The following PTPRK variants were observed in gnomAD, a reference collection of about 807,000 sequenced individuals.
PTPRK encodes protein tyrosine phosphatase receptor type K.
Under a neutral mutation model 178.0 loss-of-function variants are expected in PTPRK, and 75 were observed. That is an observed-to-expected ratio of 0.42 (90% CI 0.35 to 0.51). The LOEUF (loss-of-function observed/expected upper bound fraction) is 0.51, where lower values mean the gene tolerates loss of function less well. PTPRK is among the 20% of genes least tolerant of loss of function. The pLI is 0.02. For synonymous variants in PTPRK, 637 were observed against 620.6 expected, an observed-to-expected ratio of 1.03 and a Z score of -0.39; for missense variants, 1,441 against 1,797.8, an observed-to-expected ratio of 0.80 and a Z score of 3.59.
chr6:128,053,620 A>G (rs1779420727), intron 13 of PTPRK, among the ~76,000 whole-genome samples: 1 of 152,020 alleles, frequency 6.6e-6, no homozygotes, highest in Non-Finnish European at 1.5e-5. Flanking sequence ...TCACCTCCAC[A>G]TGTGGACACT....
intron 1 of PTPRK, among the ~76,000 whole-genome samples, chr6:128,481,653 G>A (rs1332814257): frequency 1.3e-5 from 2 of 151,816 alleles, no homozygotes; most frequent in East Asian, 1.9e-4. Flanking sequence ...CCTCTTTCTT[G>A]ACCTGATTCA....
At chr6:128,366,669 A>C (rs1835532720) in intron 2 of PTPRK, among the ~76,000 whole-genome samples, 1 of 152,146 alleles carries the variant, frequency 6.6e-6, no homozygotes, top group Non-Finnish European at 1.5e-5. Flanking sequence ...GATCCCAGAG[A>C]CTGTGACAAC....
intron 3 of PTPRK, among the ~76,000 whole-genome samples, chr6:128,318,032 A>G (rs533907303): frequency 1.4e-3 from 208 of 152,326 alleles, no homozygotes; most frequent in African/African-American, 4.7e-3. Context: ...AGTTACCGCT[A>G]TATGATATAT....
intron 7 of PTPRK, among the ~76,000 whole-genome samples, chr6:128,160,753 GTAT>G (rs1014911824): frequency 7.9e-5 from 12 of 151,144 alleles, no homozygotes; most frequent in Non-Finnish European, 1.5e-4. Context: ...TTAGAAATAA[GTAT>G]TAATAATATG....
intron 7 of PTPRK, among the ~76,000 whole-genome samples, chr6:128,162,995 CATT>C (rs1798906298): frequency 6.6e-6 from 1 of 151,124 alleles, no homozygotes; most frequent in Non-Finnish European, 1.5e-5. Flanking sequence ...GTTTAATATT[CATT>C]ATTAATATGA....
intron 7 of PTPRK, among the ~76,000 whole-genome samples, chr6:128,138,151 C>G (rs576572610): frequency 1.3e-5 from 2 of 152,026 alleles, no homozygotes; most frequent in Admixed American, 1.3e-4. Context: ...TGGAAATAAT[C>G]CACGTGTTCT....
intron 7 of PTPRK, among the ~76,000 whole-genome samples, chr6:128,168,670 C>T (rs1799766633): frequency 6.6e-6 from 1 of 152,036 alleles, no homozygotes; most frequent in Non-Finnish European, 1.5e-5. Context: ...GAGAATCTAA[C>T]TAATGCCTGA....
intron 11 of PTPRK, among the ~76,000 whole-genome samples, chr6:128,070,517 G>A (rs1329105021): frequency 6.6e-6 from 1 of 151,954 alleles, no homozygotes; most frequent in African/African-American, 2.4e-5. Context: ...TGTAATAGCA[G>A]CCTGAGCAAA....
chr6:128,000,326 T>C (rs1583582677), intron 15 of PTPRK: 2 of 1,294,354 alleles, frequency 1.5e-6, no homozygotes, highest in Non-Finnish European at 2.0e-6. Context: ...AAACATTTTT[T>C]CTTCCTGGAG....
chr6:128,419,762 C>T (rs1843267941), intron 1 of PTPRK, among the ~76,000 whole-genome samples: 1 of 152,180 alleles, frequency 6.6e-6, no homozygotes, highest in Admixed American at 6.5e-5. Context: ...CAGGGCAAGA[C>T]CGATTCTGGG....
At chr6:128,462,063 A>G (rs1360507649) in intron 1 of PTPRK, among the ~76,000 whole-genome samples, 2 of 152,152 alleles carry the variant, frequency 1.3e-5, no homozygotes, top group East Asian at 3.9e-4. Flanking sequence ...TCCTGCGCTC[A>G]AGCAATGCTC....
intron 1 of PTPRK, among the ~76,000 whole-genome samples, chr6:128,509,179 T>C (rs1299584484): frequency 6.6e-6 from 1 of 152,118 alleles, no homozygotes; most frequent in Non-Finnish European, 1.5e-5. Flanking sequence ...TGGTATAGTA[T>C]ATTTAAGGGT....
At chr6:128,485,787 AAT>A (rs1375312576) in intron 1 of PTPRK, among the ~76,000 whole-genome samples, 4 of 152,366 alleles carry the variant, frequency 2.6e-5, no homozygotes, top group African/African-American at 9.6e-5. Context: ...TTCTGCTGGA[AAT>A]ATGTTATTAA....
At chr6:128,134,483 G>C (rs1418922299) in intron 7 of PTPRK, among the ~76,000 whole-genome samples, 1 of 152,144 alleles carries the variant, frequency 6.6e-6, no homozygotes, top group Non-Finnish European at 1.5e-5. Context: ...TAGACTGGGT[G>C]TGCAGTGAAG....
At chr6:128,518,389 A>G (rs1231323110) in intron 1 of PTPRK, among the ~76,000 whole-genome samples, 1 of 152,238 alleles carries the variant, frequency 6.6e-6, no homozygotes, top group Non-Finnish European at 1.5e-5. Flanking sequence ...AGTAGTATTT[A>G]TTTGTTAATT....
chr6:128,050,223 G>C (rs1778774576), intron 13 of PTPRK, among the ~76,000 whole-genome samples: 2 of 152,148 alleles, frequency 1.3e-5, no homozygotes, highest in South Asian at 4.1e-4. Context: ...CCTAAAGACA[G>C]TGAGCATGCA....
At chr6:128,517,786 T>TTTCAA (rs1858306914) in intron 1 of PTPRK, among the ~76,000 whole-genome samples, 1 of 152,192 alleles carries the variant, frequency 6.6e-6, no homozygotes, top group South Asian at 2.1e-4. Context: ...TCTTAATGAG[T>TTTCAA]ATGATTTGAA....
At chr6:128,249,457 A>T (rs1425335570) in intron 3 of PTPRK, among the ~76,000 whole-genome samples, 4 of 152,192 alleles carry the variant, frequency 2.6e-5, no homozygotes, top group Non-Finnish European at 5.9e-5. Context: ...AAGTTGATGA[A>T]CTAGCTAAAG....
chr6:128,001,721 T>C (rs1482142801), intron 15 of PTPRK, among the ~76,000 whole-genome samples: 4 of 151,948 alleles, frequency 2.6e-5, no homozygotes, highest in Admixed American at 1.3e-4. Flanking sequence ...AAAACAAAGA[T>C]GTAAGGTATT....
Sources: allele counts gnomAD v4.1 joint callset (sites outside exome capture counted in the v4.1 genomes callset), GRCh38; gene constraint gnomAD v4.1.1; transcripts MANE v1.5; gene names NCBI Gene and HGNC (gene_info 2026-07-23, HGNC 2026-07-21).